The following N4BP2 variants were observed in gnomAD, a reference collection of about 807,000 sequenced individuals.
The protein encoded by N4BP2 is NEDD4 binding protein 2.
In N4BP2, 91 loss-of-function variants were observed where a neutral mutation model predicts 152.8. That is an observed-to-expected ratio of 0.60 (90% CI 0.50 to 0.71). The LOEUF (loss-of-function observed/expected upper bound fraction) is 0.71. N4BP2 is among the 30% of genes least tolerant of loss of function. The probability of loss-of-function intolerance (pLI) is 0.00; values close to 1 mark genes in which losing one functional copy is unlikely to be tolerated. For synonymous variants in N4BP2, 646 were observed against 705.3 expected (o/e 0.92, Z 1.33); for missense variants, 1,923 against 2,059.1 (o/e 0.93, Z 1.28).
At chr4:40,165,855 C>T in the N4BP2 span, among the ~76,000 whole-genome samples, 1 of 152,116 alleles carries the variant, frequency 6.6e-6, no homozygotes, top group South Asian at 2.1e-4. Flanking sequence ...TTCTTTCTGT[C>T]TTCCATTCTT....
At chr4:40,073,761 T>G (rs764278701) in intron 2 of N4BP2, among the ~76,000 whole-genome samples, 37 of 152,032 alleles carry the variant, frequency 2.4e-4, no homozygotes, top group Middle Eastern at 3.4e-3. Flanking sequence ...ACCCAGCTAA[T>G]TTTTGTATTT....
chr4:40,181,301 C>G, the N4BP2 span, among the ~76,000 whole-genome samples: 4 of 152,180 alleles, frequency 2.6e-5, no homozygotes, highest in South Asian at 6.2e-4. Context: ...TGAAACTTCC[C>G]CAACTTTCTG....
chr4:40,120,417 A>G lies in N4BP2; in HGVS notation c.2306A>G (p.Lys769Arg), dbSNP rs1411309735. Residue 769 changes from lysine (K) to arginine (R), a missense_variant, in exon 9 of 18, where the codon AAA becomes AGA. Physicochemically the swap from Lys to Arg is conservative, Grantham distance 26. Coordinates refer to ENST00000261435, the MANE Select transcript of N4BP2 (RefSeq NM_018177.6). ...RATVTKKAFGKQKSKSTLEKF... is the reference protein window; with the variant it reads ...RATVTKKAFGRQKSKSTLEKF... ...ACAGTAACGAAAAAAGCCTTTGGGA[A>G]ACAAAAAAGCAAATCGACTTTGGAA... is the stretch of plus-strand genomic sequence containing the variant. 4 of 1,613,788 alleles carry G rather than the reference A, an allele frequency of 2.5e-6. No homozygotes were observed. The African/African-American group carries it at 5.3e-5, about 22-fold the overall frequency.
intron 2 of N4BP2, among the ~76,000 whole-genome samples, chr4:40,089,057 C>A (rs558404574): frequency 2.0e-5 from 3 of 151,724 alleles, no homozygotes; most frequent in African/African-American, 7.3e-5. Flanking sequence ...TGCAAAGGAT[C>A]CTTCCACCTT....
the N4BP2 span, among the ~76,000 whole-genome samples, chr4:40,168,802 G>A: frequency 2.0e-5 from 3 of 151,300 alleles, no homozygotes; most frequent in Admixed American, 2.0e-4. Flanking sequence ...TTGGCTTACT[G>A]CAACCTCCAC....
chr4:40,079,492 G>A (rs1176726459), intron 2 of N4BP2, among the ~76,000 whole-genome samples: 1 of 148,950 alleles, frequency 6.7e-6, no homozygotes, highest in African/African-American at 2.5e-5. Flanking sequence ...TTTCAGTGTA[G>A]GAAAACCACA....
intron 1 of N4BP2, among the ~76,000 whole-genome samples, chr4:40,057,872 T>A (rs921558506): frequency 6.6e-6 from 1 of 152,212 alleles, no homozygotes; most frequent in Admixed American, 6.5e-5. Flanking sequence ...GGCGGCAGTC[T>A]TTGTAACTAG....
chr4:40,131,996 A>G (rs1718945768), intron 13 of N4BP2, 77 bp downstream of exon 13: 2 of 935,188 alleles, frequency 2.1e-6, no homozygotes, highest in African/African-American at 3.3e-5. Flanking sequence ...TTTTCTGATA[A>G]CAAAAATAAT....
intron 2 of N4BP2, among the ~76,000 whole-genome samples, chr4:40,085,722 C>T (rs530640677): frequency 1.4e-4 from 22 of 152,218 alleles, no homozygotes; most frequent in Non-Finnish European, 2.5e-4. Context: ...GTGAAAATCT[C>T]GAGAGTGGCA....
chr4:40,117,331 T>C (rs1025409621), intron 7 of N4BP2, among the ~76,000 whole-genome samples: 6 of 152,186 alleles, frequency 3.9e-5, no homozygotes, highest in African/African-American at 1.4e-4. Context: ...GAAAGCCAGA[T>C]TTGCCCAACT....
At chr4:40,174,936 G>A in the N4BP2 span, among the ~76,000 whole-genome samples, 14 of 151,250 alleles carry the variant, frequency 9.3e-5, no homozygotes, top group African/African-American at 3.2e-4. Flanking sequence ...GCTGCCACGT[G>A]GGAACCTGAA....
chr4:40,120,016 G>T lies in N4BP2; in HGVS notation c.1905G>T (p.Glu635Asp). ...TGAAGCATCTAGAGTTCACTGAAGA[G>T]AAGAATCTTGATGTAACCAAAGAAA... is the stretch of plus-strand genomic sequence containing the variant. ...LSLKHLEFTE[E>D]KNLDVTKETM... is the part of the protein sequence containing the mutation. The change falls in exon 9 of 18, where the codon GAG (glutamate) becomes GAT (aspartate). Residue 635 changes from glutamate (E) to aspartate (D), a missense_variant. Coordinates refer to ENST00000261435, the MANE Select transcript of N4BP2 (RefSeq NM_018177.6). 1 of 1,591,858 alleles carries T rather than the reference G, an allele frequency of 6.3e-7. No homozygotes were observed. Among genetic ancestry groups the T allele is most frequent in the South Asian group, 1.1e-5 (1 of 90,138 alleles).
chr4:40,172,947 C>CA, the N4BP2 span, among the ~76,000 whole-genome samples: 1 of 151,614 alleles, frequency 6.6e-6, no homozygotes, highest in Non-Finnish European at 1.5e-5. Flanking sequence ...TTTTTTTTTG[C>CA]AAAAGCACCA....
Position 40,085,258 on chromosome 4 carries a change from G to A in N4BP2, c.-115+11707G>A, listed in dbSNP as rs1476760460. ...GGGGTTTGGCCATGTTGACCAGGCT[G>A]GTCTTGACCTCAGGCAATCTGCCCG... On this transcript the variant is annotated intron_variant, in intron 2 of 17. Coordinates refer to ENST00000261435, the MANE Select transcript of N4BP2 (RefSeq NM_018177.6). Among the ~76,000 whole-genome samples, 11 of 151,260 alleles carry A rather than the reference G, an allele frequency of 7.3e-5. 1 individual carries two copies.
rs565148583 is a variant in N4BP2, at chr4:40,141,433, C to T, written c.4786-1240C>T. 4.2e-3 allele frequency among the ~76,000 whole-genome samples: 639 copies of T among 151,102 alleles called. 3 individuals are homozygous for T. Among genetic ancestry groups the T allele is most frequent in the African/African-American group, 0.015 (615 of 41,162 alleles). Reference sequence around the variant, plus strand: ...GGGGTCGCGGCCGGGTAGAGGCGCTCCTCACATCCCAGACGGGGCGGCGGG... The same window carrying T: ...GGGGTCGCGGCCGGGTAGAGGCGCTTCTCACATCCCAGACGGGGCGGCGGG... On this transcript the variant is annotated intron_variant, in intron 14 of 17. Coordinates refer to ENST00000261435, the MANE Select transcript of N4BP2 (RefSeq NM_018177.6).
the N4BP2 span, among the ~76,000 whole-genome samples, chr4:40,179,453 T>A: frequency 6.6e-6 from 1 of 152,228 alleles, no homozygotes; most frequent in Admixed American, 6.5e-5. Context: ...CTAATGTTTA[T>A]TGAAATCTTC....
chr4:40,141,705 A>C (rs1719991027), intron 14 of N4BP2, among the ~76,000 whole-genome samples: 1 of 152,224 alleles, frequency 6.6e-6, no homozygotes, highest in Non-Finnish European at 1.5e-5. Context: ...CAGAGGCTGC[A>C]ATCTCCGGCA....
chr4:40,135,162 T>C lies in N4BP2; in HGVS notation c.4647-1782T>C, dbSNP rs1172621139. Among the ~76,000 whole-genome samples, 3 of 144,206 alleles carry C rather than the reference T, an allele frequency of 2.1e-5. No individual in the cohort carries two copies. The East Asian group carries it at 6.3e-4, about 30-fold the overall frequency. The allele number at this position is 144,206 out of a possible 152,430, so 94.6% of individuals were successfully genotyped here. ...CCCTTCCTGTGTCCATGTGTTCTTA[T>C]TGTTCAATTCCCACCTATGAGTGAG... On this transcript the variant is annotated intron_variant, in intron 13 of 17. Transcript: ENST00000261435.
chr4:40,159,043 G>C (rs1721784976), downstream of N4BP2, among the ~76,000 whole-genome samples: 1 of 152,120 alleles, frequency 6.6e-6, no homozygotes, highest in African/African-American at 2.4e-5. Flanking sequence ...TAAATCTCAA[G>C]AGAATTTTAT....
Sources: allele counts gnomAD v4.1 joint callset (sites outside exome capture counted in the v4.1 genomes callset), GRCh38; gene constraint gnomAD v4.1.1; transcripts MANE v1.5; gene names NCBI Gene and HGNC (gene_info 2026-07-23, HGNC 2026-07-21).